Variants in PRKN observed in about 807,000 individuals in gnomAD.
The protein encoded by PRKN is parkin RBR E3 ubiquitin protein ligase.
Under a neutral mutation model 59.5 loss-of-function variants are expected in PRKN, and 56 were observed. The observed-to-expected ratio is 0.94, with a 90% CI of 0.76 to 1.18. The LOEUF is 1.18. PRKN is among the 50% of genes most tolerant of loss of function. The probability of loss-of-function intolerance (pLI) is 0.00; values close to 1 mark genes in which losing one functional copy is unlikely to be tolerated. For synonymous variants in PRKN, 250 were observed against 222.1 expected (o/e 1.13, Z -1.12); for missense variants, 657 against 596.4 (o/e 1.10, Z -1.06).
Position 161,471,568 on chromosome 6 carries a change from T to C in PRKN, c.1083+77286A>G, listed in dbSNP as rs940176124. On this transcript the variant is annotated intron_variant, in intron 9 of 11. Coordinates refer to ENST00000366898, the MANE Select transcript of PRKN (RefSeq NM_004562.3). The surrounding 1 kb of genome is among the most constrained non-coding windows in gnomAD (Gnocchi z 4.5). ...GGCACTTTCATTAACAACTTGAAAA[T>C]AGACCTTGACAGAATGATGACCTAA... Among the ~76,000 whole-genome samples, 7 of 152,132 alleles carry C rather than the reference T, an allele frequency of 4.6e-5. No homozygotes were observed. The highest frequency in any genetic ancestry group is 9.7e-5 in the African/African-American group (4 of 41,406).
At chr6:161,956,987 T>G (rs1289797068) in intron 6 of PRKN, among the ~76,000 whole-genome samples, 1 of 152,234 alleles carries the variant, frequency 6.6e-6, no homozygotes, top group Non-Finnish European at 1.5e-5. Flanking sequence ...GCAGGTGTAC[T>G]GGACTCTGTG....
At chr6:162,135,193 G>A (rs6920188) in intron 4 of PRKN, among the ~76,000 whole-genome samples, 1 of 150,626 alleles carries the variant, frequency 6.6e-6, no homozygotes, top group Non-Finnish European at 1.5e-5. Flanking sequence ...CTGGAGTGCA[G>A]TGGCCTGATC....
chr6:162,531,880 C>T (rs1778528427), intron 1 of PRKN, among the ~76,000 whole-genome samples: 1 of 146,762 alleles, frequency 6.8e-6, no homozygotes, highest in Non-Finnish European at 1.5e-5. Flanking sequence ...GCAGAGGCTG[C>T]AGTGAGCCGA....
At chr6:162,574,536 G>A (rs79396175) in intron 1 of PRKN, among the ~76,000 whole-genome samples, 305 of 151,942 alleles carry the variant, frequency 2.0e-3, no homozygotes, top group African/African-American at 7.0e-3. Flanking sequence ...TGAATATTTC[G>A]TCACTAGAAG....
At chr6:161,981,121 G>A (rs887248070) in intron 5 of PRKN, among the ~76,000 whole-genome samples, 4 of 152,250 alleles carry the variant, frequency 2.6e-5, no homozygotes, top group African/African-American at 9.6e-5. Context: ...ATATCAGAAA[G>A]ATTCTCACAG....
chr6:161,933,897 C>T (rs1271304502), intron 6 of PRKN, among the ~76,000 whole-genome samples: 1 of 152,186 alleles, frequency 6.6e-6, no homozygotes, highest in East Asian at 1.9e-4. Context: ...GTCTTTGGAC[C>T]ACACTTTGTC....
chr6:161,420,190 A>G (rs183448266), intron 9 of PRKN, among the ~76,000 whole-genome samples: 15 of 151,156 alleles, frequency 9.9e-5, no homozygotes, highest in African/African-American at 3.4e-4. Context: ...GTGAGCCGAG[A>G]TCATGCGCCG....
chr6:162,565,637 C>T (rs1285395749), intron 1 of PRKN, among the ~76,000 whole-genome samples: 1 of 152,168 alleles, frequency 6.6e-6, no homozygotes, highest in Non-Finnish European at 1.5e-5. Context: ...TTGCAGTGAG[C>T]TGAGATCGTG....
chr6:161,814,712 G>A (rs1791698612), intron 6 of PRKN, among the ~76,000 whole-genome samples: 1 of 152,148 alleles, frequency 6.6e-6, no homozygotes, highest in East Asian at 1.9e-4. Context: ...ATGTTGGTCA[G>A]GCTGGTCTCG....
At chr6:162,612,666 A>G (rs922640875) in intron 1 of PRKN, among the ~76,000 whole-genome samples, 2 of 152,056 alleles carry the variant, frequency 1.3e-5, no homozygotes, top group Non-Finnish European at 1.5e-5. Context: ...ACTGAAGCAT[A>G]CACATCAACA....
chr6:161,461,858 A>G lies in PRKN; in HGVS notation c.1084-74981T>C, dbSNP rs1357963633. On this transcript the variant is annotated intron_variant, in intron 9 of 11. Transcript: ENST00000366898. The surrounding 1 kb of genome is among the most constrained non-coding windows in gnomAD (Gnocchi z 5.1). ...AGTTAGAGACACAGACTTGGGGCCT[A>G]TCAACTATAGGCAGTCAGAACTGCA... 6.6e-6 allele frequency among the ~76,000 whole-genome samples: 1 copy of G among 152,200 alleles called. No homozygotes were observed. The highest frequency in any genetic ancestry group is 2.4e-5 in the African/African-American group (1 of 41,450).
chr6:162,023,528 T>C lies in PRKN; in HGVS notation c.618+30563A>G, dbSNP rs117451715. ...CGTGGTTCTGCTGGTCGCCTGCCGG[T>C]GTTTGTCGGTGTGCTCTTCTCCTAG... is the stretch of plus-strand genomic sequence containing the variant. On this transcript the variant is annotated intron_variant, in intron 5 of 11. Coordinates refer to ENST00000366898, the MANE Select transcript of PRKN (RefSeq NM_004562.3). 4.9e-4 allele frequency among the ~76,000 whole-genome samples: 74 copies of C among 152,064 alleles called. 1 individual carries two copies. In the East Asian group the frequency reaches 0.014, roughly 28 times the overall value.
chr6:161,674,969 T>C (rs1031053638), intron 7 of PRKN, among the ~76,000 whole-genome samples: 3 of 152,204 alleles, frequency 2.0e-5, no homozygotes, highest in Non-Finnish European at 2.9e-5. Flanking sequence ...GGGCTTGCTA[T>C]TGATTAGCTC....
At chr6:161,571,336 T>C (rs552670506) in intron 7 of PRKN, among the ~76,000 whole-genome samples, 2 of 152,358 alleles carry the variant, frequency 1.3e-5, no homozygotes, top group Admixed American at 6.5e-5. Flanking sequence ...TTGAACTTCC[T>C]AGTAAGGAAA....
intron 9 of PRKN, among the ~76,000 whole-genome samples, chr6:161,541,974 C>A (rs796644256): frequency 2.6e-5 from 4 of 152,098 alleles, no homozygotes; most frequent in African/African-American, 9.7e-5. Context: ...TGTATTAGAA[C>A]GTAAGTCCAC....
chr6:162,001,776 C>T (rs943946753), intron 5 of PRKN, among the ~76,000 whole-genome samples: 2 of 151,502 alleles, frequency 1.3e-5, no homozygotes, highest in South Asian at 2.1e-4. Context: ...GTATGATGCC[C>T]ACTGTAGGTT....
intron 7 of PRKN, among the ~76,000 whole-genome samples, chr6:161,654,722 C>T (rs1016095873): frequency 2.0e-5 from 3 of 152,190 alleles, no homozygotes; most frequent in Non-Finnish European, 4.4e-5. Context: ...GACAAAGGGA[C>T]ACAGTGAGCA....
intron 5 of PRKN, among the ~76,000 whole-genome samples, chr6:162,052,444 G>A (rs555320809): frequency 1.3e-5 from 2 of 151,876 alleles, no homozygotes; most frequent in South Asian, 4.2e-4. Context: ...TTTGAATTCT[G>A]CTCACTCTTA....
At chr6:162,021,264 AGATAAT>A (rs1260052252) in intron 5 of PRKN, among the ~76,000 whole-genome samples, 5 of 15,766 alleles carry the variant, frequency 3.2e-4, no homozygotes, top group Admixed American at 1.1e-3. Context: ...ATAAGAAAAC[AGATAAT>A]TAAACTATCA....
Sources: gnomAD v4.1 joint callset for allele counts (sites outside exome capture counted in the v4.1 genomes callset) on GRCh38, gnomAD v4.1.1 for gene constraint, Gnocchi (gnomAD v3.1) non-coding constraint, MANE v1.5 for transcripts, NCBI Gene and HGNC (gene_info 2026-07-23, HGNC 2026-07-21) for gene names.